The following CLTB variants were observed in gnomAD, a reference collection of about 807,000 sequenced individuals.
CLTB encodes the protein clathrin light chain B.
A neutral mutation model predicts 30.5 loss-of-function variants in CLTB; 10 were observed. The observed-to-expected ratio is 0.33, with a 90% confidence interval of 0.20 to 0.56. The LOEUF (loss-of-function observed/expected upper bound fraction) is 0.56, where lower values mean the gene tolerates loss of function less well. Among genes scored for constraint, CLTB ranks in the 20% least tolerant of loss-of-function variants. The pLI, the probability that CLTB is intolerant of heterozygous loss-of-function variation, is 0.91. For synonymous variants in CLTB, 102 were observed against 120.3 expected, an observed-to-expected ratio of 0.85 and a Z score of 1.00; for missense variants, 261 against 308.3, an observed-to-expected ratio of 0.85 and a Z score of 1.15.
rs1756606292 is a variant in CLTB at position 176,397,625 on chromosome 5, T to C, written c.446A>G (p.Lys149Arg). 6.3e-7 allele frequency: 1 copy of C among 1,586,376 alleles called. No homozygotes were observed. Among genetic ancestry groups the C allele is most frequent in the Non-Finnish European group, 8.6e-7 (1 of 1,163,642 alleles). The change falls in exon 4 of 6, where the codon AAG becomes AGG. Residue 149 changes from lysine (K) to arginine (R), a missense_variant. Physicochemically the swap from Lys to Arg is conservative, Grantham distance 26 (BLOSUM62 2). Coordinates refer to ENST00000310418, the MANE Select transcript of CLTB (RefSeq NM_007097.5). ...WNQRQSEQVE[K>R]NKINNRIADK... ...CTCTCACCGGTTGTTGATCTTGTTC[T>C]TCTCTACTTGTTCACTCTGGCGCTG...
At chr5:176,415,941 T>A (rs1476745713) in intron 1 of CLTB, among the ~76,000 whole-genome samples, 1 of 152,178 alleles carries the variant, frequency 6.6e-6, no homozygotes, top group Non-Finnish European at 1.5e-5. Flanking sequence ...GGCCTGGGGA[T>A]GAAATGTCAT....
chr5:176,406,617 T>C (rs1443416143), intron 2 of CLTB: 1 of 1,289,364 alleles, frequency 7.8e-7, no homozygotes, highest in Admixed American at 2.3e-5. Context: ...CCCCTGGCTG[T>C]GCCAAATGGA....
At chr5:176,405,192 T>C (rs1757040234) in intron 2 of CLTB, among the ~76,000 whole-genome samples, 1 of 152,060 alleles carries the variant, frequency 6.6e-6, no homozygotes, top group Admixed American at 6.6e-5. Flanking sequence ...CTGTCTTCTA[T>C]TAGAAGCGAG....
chr5:176,408,806 C>T (rs193268865), intron 2 of CLTB, among the ~76,000 whole-genome samples: 297 of 152,312 alleles, frequency 1.9e-3, no homozygotes, highest in Non-Finnish European at 3.7e-3. Flanking sequence ...AGGCGTAAGC[C>T]GCCGTGCCCG....
At chr5:176,410,131 C>A in intron 2 of CLTB, 126 bp downstream of exon 2, 1 of 810,534 alleles carries the variant, frequency 1.2e-6, no homozygotes. Context: ...CTCTATGTTT[C>A]CACCCCAATG....
chr5:176,416,267 T>C lies in CLTB; in HGVS notation c.97A>G (p.Ser33Gly). Residue 33 changes from serine to glycine, a missense_variant, in exon 1 of 6, where the codon AGC becomes GGC. Ser to Gly is a moderately conservative substitution (Grantham distance 56). Coordinates refer to ENST00000310418, the MANE Select transcript of CLTB (RefSeq NM_007097.5). ...TCGTTCTCTATGCCTGCAATCTCGC[T>C]CTCCTGCTGGGCCAGGAAGGCGGCC... ...PAAAFLAQQE[S>G]EIAGIENDEG... The C allele has an allele frequency of 1.2e-6, 2 of 1,605,198 alleles. No homozygotes were observed. Among genetic ancestry groups the C allele is most frequent in the Non-Finnish European group, 1.7e-6 (2 of 1,177,246 alleles).
At position 176,397,674 on chromosome 5, in the gene CLTB, T is replaced by C. The variant is rs745531281; in HGVS notation, c.397A>G (p.Lys133Glu). Residue 133 changes from lysine (K) to glutamate (E), a missense_variant, in exon 4 of 6, where the codon AAG (lysine) becomes GAG (glutamate). Physicochemically the swap from Lys to Glu is moderately conservative, Grantham distance 56 (BLOSUM62 1). Around this residue, in one of 3 missense-constraint regions of CLTB, gnomAD observed 123 missense variants for 157.0 expected, o/e 0.78. Transcript: ENST00000310418. ...VTEQEWREKA[K>E]KDLEEWNQRQ... ...TGGTTCCACTCCTCCAGGTCCTTCT[T>C]GGCCTTCTCCCGCCATTCCTGTTCC... 1 of 1,613,728 alleles carries C rather than the reference T, an allele frequency of 6.2e-7. No individual in the cohort carries two copies. The highest frequency in any genetic ancestry group is 2.2e-5 in the East Asian group (1 of 44,842).
At position 176,406,525 on chromosome 5, in the gene CLTB, G is replaced by T. The variant is rs951207747; in HGVS notation, c.234+3732C>A. ...GATTCCTCTAAGAAGCTAAAAGGAG[G>T]ATGATGGGAGTATTAGGGGAAAGGA... On this transcript the variant is annotated intron_variant, in intron 2 of 5. Coordinates refer to ENST00000310418, the MANE Select transcript of CLTB (RefSeq NM_007097.5). 10 of 1,256,712 alleles carry T rather than the reference G, an allele frequency of 8.0e-6. No homozygotes were observed. The African/African-American group carries it at 1.4e-4, about 18-fold the overall frequency. The allele number at this position is 1,256,712 out of a possible 1,614,324, so 77.8% of individuals were successfully genotyped here.
chr5:176,404,661 C>T (rs1251150508), intron 2 of CLTB, among the ~76,000 whole-genome samples: 8 of 152,234 alleles, frequency 5.3e-5, no homozygotes, highest in Admixed American at 3.9e-4. Context: ...ACATCTCCGC[C>T]ACCTGCCACC....
chr5:176,414,586 C>A (rs1234525295), intron 1 of CLTB, among the ~76,000 whole-genome samples: 1 of 152,082 alleles, frequency 6.6e-6, no homozygotes, highest in African/African-American at 2.4e-5. Flanking sequence ...ACAACTACAG[C>A]TACATGCCAC....
At chr5:176,416,132 C>CGG in intron 1 of CLTB, 45 bp downstream of exon 1, 1 of 1,459,868 alleles carries the variant, frequency 6.8e-7, no homozygotes, top group Non-Finnish European at 9.0e-7. Context: ...CGGGGTCCCC[C>CGG]GGGTGCGCGC....
At chr5:176,409,737 C>T in intron 2 of CLTB, among the ~76,000 whole-genome samples, 1 of 152,128 alleles carries the variant, frequency 6.6e-6, no homozygotes, top group Non-Finnish European at 1.5e-5. Flanking sequence ...TTAACAACAG[C>T]CTGGTTTTCT....
In CLTB at chr5:176,416,178, C is replaced by T; in HGVS notation, c.186G>A (p.Gly62=). ...TCTCCAGGCCCCGCGCTGACTCACC[C>T]CCACTCGTGGGGCCCGGCTGCGCGG... The part of the protein sequence containing the change: ...AAPAQPGPTS[G]AGSEDMGTTV... The change falls in exon 1 of 6, where the codon GGG becomes GGA. Residue 62 remains glycine, a splice_region_variant and synonymous_variant. Coordinates refer to ENST00000310418, the MANE Select transcript of CLTB (RefSeq NM_007097.5). 6.3e-7 allele frequency: 1 copy of T among 1,578,284 alleles called. No homozygotes were observed. Among genetic ancestry groups the T allele is most frequent in the Non-Finnish European group, 8.6e-7 (1 of 1,167,158 alleles).
chr5:176,398,104 G>A, intron 2 of CLTB, 57 bp from the exon 3 acceptor site: 1 of 1,500,742 alleles, frequency 6.7e-7, no homozygotes, highest in Non-Finnish European at 9.3e-7. Flanking sequence ...CGCTGTCTCT[G>A]CTGCCCCTGC....
At chr5:176,413,053 C>G (rs1757527823) in intron 1 of CLTB, among the ~76,000 whole-genome samples, 1 of 152,304 alleles carries the variant, frequency 6.6e-6, no homozygotes, top group Admixed American at 6.5e-5. Context: ...GCCTCAGCCT[C>G]GAGAGTGTTC....
At chr5:176,396,437 C>T in intron 5 of CLTB, 42 bp downstream of exon 5, 1 of 1,547,106 alleles carries the variant, frequency 6.5e-7, no homozygotes, top group Non-Finnish European at 8.9e-7. Context: ...GTGGCCATTC[C>T]CTCTCTAGCT....
chr5:176,413,776 C>A (rs1016056321), intron 1 of CLTB, among the ~76,000 whole-genome samples: 1 of 152,234 alleles, frequency 6.6e-6, no homozygotes, highest in East Asian at 1.9e-4. Flanking sequence ...TCTAGCCCAT[C>A]TGGCCATCCA....
At chr5:176,394,615 G>T (rs58339606) in intron 5 of CLTB, among the ~76,000 whole-genome samples, 28 of 151,576 alleles carry the variant, frequency 1.8e-4, no homozygotes, top group Non-Finnish European at 2.2e-4. Flanking sequence ...CAGATGGAGA[G>T]CATCCTGGCT....
At position 176,410,783 on chromosome 5, in the gene CLTB, C is replaced by T. The variant is rs372709481; in HGVS notation, c.188-480G>A. On this transcript the variant is annotated intron_variant, in intron 1 of 5. Coordinates refer to ENST00000310418, the MANE Select transcript of CLTB (RefSeq NM_007097.5). ...GCGTCTCTGCCTGTCCCTGAGGCGC[C>T]TTGAGCAACTGCTCCTCCTGGGTGA... Among the ~76,000 whole-genome samples the T allele has an allele frequency of 1.9e-3, 287 of 151,702 alleles. 2 individuals carry two copies. Among genetic ancestry groups the T allele is most frequent in the African/African-American group, 6.7e-3 (276 of 41,424 alleles).
Sources: allele counts gnomAD v4.1 joint callset (sites outside exome capture counted in the v4.1 genomes callset), GRCh38; gene constraint gnomAD v4.1.1; regional missense constraint gnomAD v4.1.1; transcripts MANE v1.5; gene names NCBI Gene and HGNC (gene_info 2026-07-23, HGNC 2026-07-21).